SLC4A10: variants seen among roughly 807,000 people sequenced by gnomAD.
SLC4A10 encodes the protein solute carrier family 4 member 10.
SLC4A10 carries 42 observed loss-of-function variants against 137.7 expected under a neutral mutation model. The observed-to-expected ratio is 0.30, with a 90% CI of 0.24 to 0.39. The LOEUF is 0.39. Among genes scored for constraint, SLC4A10 ranks in the 10% least tolerant of loss-of-function variants. The pLI is 1.00. For missense variants in SLC4A10, 925 were observed against 1,355.0 expected, an observed-to-expected ratio of 0.68 and a Z score of 4.98; for synonymous variants, 474 against 464.1, an observed-to-expected ratio of 1.02 and a Z score of -0.27.
At chr2:161,791,192 A>G (rs2054167619) in intron 2 of SLC4A10, among the ~76,000 whole-genome samples, 1 of 152,208 alleles carries the variant, frequency 6.6e-6, no homozygotes. Flanking sequence ...TGCTATTCAC[A>G]ATAGCAAAGA....
At chr2:161,635,821 G>A (rs1042300609) in intron 1 of SLC4A10, among the ~76,000 whole-genome samples, 1 of 152,056 alleles carries the variant, frequency 6.6e-6, no homozygotes, top group Non-Finnish European at 1.5e-5. Context: ...TCTCCAGTTA[G>A]GGCACAAACA....
intron 12 of SLC4A10, 76 bp downstream of exon 12, chr2:161,901,087 T>G: frequency 9.1e-7 from 1 of 1,102,792 alleles, no homozygotes. Context: ...ATTGCTATTT[T>G]GGGATCTAAT....
chr2:161,895,147 AGT>A (rs919102181), intron 11 of SLC4A10, among the ~76,000 whole-genome samples: 13 of 144,044 alleles, frequency 9.0e-5, no homozygotes, highest in African/African-American at 3.1e-4. Flanking sequence ...CCTATCTATG[AGT>A]GAGAACATGT....
intron 4 of SLC4A10, among the ~76,000 whole-genome samples, chr2:161,847,402 G>A (rs1251955641): frequency 6.6e-6 from 1 of 151,754 alleles, no homozygotes; most frequent in Non-Finnish European, 1.5e-5. Context: ...TGTTTCATGG[G>A]TAAATTGTGT....
At chr2:161,751,523 C>T (rs1014501186) in intron 1 of SLC4A10, among the ~76,000 whole-genome samples, 15 of 151,474 alleles carry the variant, frequency 9.9e-5, no homozygotes, top group African/African-American at 2.4e-4. Flanking sequence ...TGTAGGAACT[C>T]GCCTTTTATT....
chr2:161,647,578 A>G (rs2036231141), intron 1 of SLC4A10, among the ~76,000 whole-genome samples: 1 of 152,162 alleles, frequency 6.6e-6, no homozygotes, highest in Admixed American at 6.5e-5. Flanking sequence ...TATGTTTAAG[A>G]AAGAACTACA....
chr2:161,969,145 G>A (rs1698088865), intron 23 of SLC4A10, among the ~76,000 whole-genome samples: 1 of 152,184 alleles, frequency 6.6e-6, no homozygotes, highest in Admixed American at 6.5e-5. Flanking sequence ...TCCTTTTGAT[G>A]ATAGATACAA....
At chr2:161,632,923 A>C (rs894807656) in intron 1 of SLC4A10, among the ~76,000 whole-genome samples, 1 of 151,730 alleles carries the variant, frequency 6.6e-6, no homozygotes, top group Non-Finnish European at 1.5e-5. Flanking sequence ...ACAATAAATC[A>C]TAATGGGCTA....
chr2:161,779,018 G>A (rs917930456), intron 2 of SLC4A10, among the ~76,000 whole-genome samples: 3 of 151,946 alleles, frequency 2.0e-5, no homozygotes, highest in Non-Finnish European at 4.4e-5. Context: ...TCACAGTCCT[G>A]TAGGCTGAGA....
intron 3 of SLC4A10, among the ~76,000 whole-genome samples, chr2:161,833,658 C>G (rs1233088669): frequency 1.3e-5 from 2 of 152,168 alleles, no homozygotes; most frequent in Admixed American, 1.3e-4. Context: ...TCTAGACACA[C>G]CATGTGACCC....
intron 1 of SLC4A10, among the ~76,000 whole-genome samples, chr2:161,647,428 A>G (rs897965545): frequency 1.3e-5 from 2 of 152,220 alleles, no homozygotes; most frequent in African/African-American, 2.4e-5. Flanking sequence ...TTCTGCATGC[A>G]ACTATAATGA....
chr2:161,634,613 T>C (rs553041485), intron 1 of SLC4A10, among the ~76,000 whole-genome samples: 42 of 152,146 alleles, frequency 2.8e-4, no homozygotes, highest in South Asian at 2.5e-3. Context: ...TGTAAATATG[T>C]ATGATATGAT....
At chr2:161,908,290 G>C (rs185455805) in intron 15 of SLC4A10, among the ~76,000 whole-genome samples, 1 of 152,082 alleles carries the variant, frequency 6.6e-6, no homozygotes, top group Admixed American at 6.6e-5. Context: ...TGTTTGAAAA[G>C]AGATACCTGG....
chr2:161,889,650 G>A (rs981198647), intron 10 of SLC4A10, among the ~76,000 whole-genome samples: 11 of 151,940 alleles, frequency 7.2e-5, no homozygotes, highest in African/African-American at 2.7e-4. Context: ...ATTTTTTATT[G>A]TGTCTATTTG....
intron 26 of SLC4A10, among the ~76,000 whole-genome samples, chr2:161,980,452 C>T (rs1378708198): frequency 2.6e-5 from 4 of 152,252 alleles, no homozygotes; most frequent in East Asian, 1.9e-4. Context: ...AGCTCAAGAT[C>T]GGCCTGGCCA....
intron 19 of SLC4A10, among the ~76,000 whole-genome samples, chr2:161,956,773 C>A (rs1175840909): frequency 6.6e-6 from 1 of 152,146 alleles, no homozygotes; most frequent in African/African-American, 2.4e-5. Flanking sequence ...TACAGGGGAG[C>A]TTAGGCTCCA....
intron 3 of SLC4A10, among the ~76,000 whole-genome samples, chr2:161,835,462 A>G (rs1304372000): frequency 1.3e-5 from 2 of 152,212 alleles, no homozygotes; most frequent in African/African-American, 4.8e-5. Flanking sequence ...CCAGTAGATT[A>G]TGTAAGCTTC....
intron 1 of SLC4A10, among the ~76,000 whole-genome samples, chr2:161,703,430 G>A (rs1239356763): frequency 2.0e-5 from 3 of 151,404 alleles, no homozygotes; most frequent in Non-Finnish European, 3.0e-5. Flanking sequence ...TATCATTTTA[G>A]GTGTATATTA....
chr2:161,943,090 A>G (rs1693037509), intron 16 of SLC4A10, among the ~76,000 whole-genome samples, 193 bp downstream of exon 16: 1 of 152,142 alleles, frequency 6.6e-6, no homozygotes, highest in South Asian at 2.1e-4. Flanking sequence ...TTGTTCTAAT[A>G]GAAGACCAGA....
Sources: allele counts gnomAD v4.1 joint callset (sites outside exome capture counted in the v4.1 genomes callset), GRCh38; gene constraint gnomAD v4.1.1; transcripts MANE v1.5; gene names NCBI Gene and HGNC (gene_info 2026-07-23, HGNC 2026-07-21).